The following SCARB2 variants were observed in gnomAD, a reference collection of about 807,000 sequenced individuals.
The protein encoded by SCARB2 is scavenger receptor class B member 2.
SCARB2 carries 29 observed loss-of-function variants against 58.6 expected under a neutral mutation model. That is an observed-to-expected ratio of 0.49 (90% CI 0.37 to 0.67). The LOEUF (loss-of-function observed/expected upper bound fraction) is 0.67, where lower values mean the gene tolerates loss of function less well. Among genes scored for constraint, SCARB2 ranks in the 30% least tolerant of loss-of-function variants. SCARB2 has a pLI of 0.00. For missense variants in SCARB2, 488 were observed against 578.5 expected (o/e 0.84, Z 1.60); for synonymous variants, 195 against 210.1 (o/e 0.93, Z 0.62).
intron 1 of SCARB2, among the ~76,000 whole-genome samples, chr4:76,228,965 A>G (rs1369567887): frequency 1.3e-5 from 2 of 152,168 alleles, no homozygotes; most frequent in African/African-American, 4.8e-5. Flanking sequence ...CCACAGGAAC[A>G]CCAATTATTC....
At chr4:76,207,603 T>C (rs1732954191) in intron 1 of SCARB2, among the ~76,000 whole-genome samples, 1 of 152,254 alleles carries the variant, frequency 6.6e-6, no homozygotes, top group Non-Finnish European at 1.5e-5. Context: ...TTTTTCCAGT[T>C]ACCAGCTTGG....
chr4:76,217,442 G>A (rs1733227422), upstream of SCARB2: 1 of 402,786 alleles, frequency 2.5e-6, no homozygotes, highest in South Asian at 1.2e-4. Flanking sequence ...TTCATGAATA[G>A]ATTAATGCCT....
At chr4:76,234,079 G>T (rs947740759) in intron 1 of SCARB2, among the ~76,000 whole-genome samples, 1 of 152,232 alleles carries the variant, frequency 6.6e-6, no homozygotes, top group Non-Finnish European at 1.5e-5. Context: ...GAAAACACCA[G>T]CCAGCTGCCC....
At chr4:76,218,004 A>C (rs888629994), upstream of SCARB2, among the ~76,000 whole-genome samples, 3 of 152,252 alleles carry the variant, frequency 2.0e-5, no homozygotes, top group Non-Finnish European at 4.4e-5. Context: ...TTTATGTTCA[A>C]AGTGTTAATG....
intron 10 of SCARB2, chr4:76,164,028 A>G (rs1265277585): frequency 6.5e-6 from 1 of 154,796 alleles, no homozygotes; most frequent in African/African-American, 2.4e-5. Flanking sequence ...AGCCCTCTAC[A>G]GAAAGTGCTC....
intron 1 of SCARB2, among the ~76,000 whole-genome samples, chr4:76,226,913 CTT>C (rs558934891): frequency 1.3e-5 from 2 of 152,102 alleles, no homozygotes; most frequent in African/African-American, 4.8e-5. Context: ...AATCTTCTCT[CTT>C]CTTTTCTTGG....
intron 1 of SCARB2, among the ~76,000 whole-genome samples, chr4:76,219,020 C>T (rs1733262292): frequency 6.6e-6 from 1 of 152,144 alleles, no homozygotes; most frequent in African/African-American, 2.4e-5. Flanking sequence ...TGTTACTGGC[C>T]AGTAGGAAGC....
At chr4:76,208,799 G>A (rs1732982115) in intron 1 of SCARB2, among the ~76,000 whole-genome samples, 1 of 152,198 alleles carries the variant, frequency 6.6e-6, no homozygotes, top group Admixed American at 6.5e-5. Flanking sequence ...CCTTAAGAGA[G>A]CCAAGAAGCG....
Position 76,175,870 on chromosome 4 carries a change from T to G in SCARB2, c.745A>C (p.Asn249His). 1 of 1,613,986 alleles carries G rather than the reference T, an allele frequency of 6.2e-7. No homozygotes were observed. Among genetic ancestry groups the G allele is most frequent in the Non-Finnish European group, 8.5e-7 (1 of 1,179,950 alleles). ...TGAAAAGAATCTCCATCTGTTCCAT[T>G]AATCATATTGCACTTGTCTGTTATC... is the stretch of plus-strand genomic sequence containing the variant. ...WWITDKCNMINGTDGDSFHPL... is the reference protein window; with the variant it reads ...WWITDKCNMIHGTDGDSFHPL... Residue 249 changes from asparagine (N) to histidine (H), a missense_variant, in exon 6 of 12, where the codon AAT becomes CAT. Transcript: ENST00000264896.
At chr4:76,204,177 A>G (rs1732884291) in intron 1 of SCARB2, among the ~76,000 whole-genome samples, 1 of 152,208 alleles carries the variant, frequency 6.6e-6, no homozygotes, top group African/African-American at 2.4e-5. Context: ...GTTTTTTAAA[A>G]TTGCTCCCTG....
At chr4:76,169,550 T>C (rs1020571084) in intron 8 of SCARB2, among the ~76,000 whole-genome samples, 10 of 152,180 alleles carry the variant, frequency 6.6e-5, no homozygotes, top group African/African-American at 1.9e-4. Context: ...TAAATATATG[T>C]TGAGGTCCAA....
At chr4:76,183,661 A>C (rs552184293) in intron 2 of SCARB2, among the ~76,000 whole-genome samples, 4 of 152,186 alleles carry the variant, frequency 2.6e-5, no homozygotes, top group Non-Finnish European at 5.9e-5. Context: ...TTACATAGGC[A>C]TGATTGATTA....
At position 76,219,892 on chromosome 4, in the gene SCARB2, C is replaced by T. The variant is rs568495592; in HGVS notation, c.-358+14411G>A. Among the ~76,000 whole-genome samples the T allele has an allele frequency of 9.1e-4, 138 of 152,320 alleles. 2 individuals carry two copies. Among genetic ancestry groups the T allele is most frequent in the South Asian group, 3.3e-3 (16 of 4,822 alleles). On this transcript the variant is annotated intron_variant, in intron 1 of 11. Transcript: ENST00000638295. The stretch of plus-strand genomic sequence containing the variant: ...TAGAAGCCTCCTATACTCATCAAAC[C>T]TCAGAGAAGACTGCTATTCAGTTAA...
intron 4 of SCARB2, chr4:76,176,756 G>C (rs968127462): frequency 2.3e-6 from 1 of 437,484 alleles, no homozygotes; most frequent in Non-Finnish European, 4.0e-6. Flanking sequence ...AGCAAAAACA[G>C]AGGTTTCTTA....
chr4:76,175,725 T>C, intron 6 of SCARB2, 66 bp downstream of exon 6: 1 of 1,583,514 alleles, frequency 6.3e-7, no homozygotes, highest in Non-Finnish European at 8.7e-7. Context: ...ATATTCCTCA[T>C]GCTTTTGGTG....
intron 1 of SCARB2, among the ~76,000 whole-genome samples, chr4:76,209,429 A>G (rs946832673): frequency 1.8e-4 from 27 of 151,880 alleles, no homozygotes; most frequent in African/African-American, 5.1e-4. Context: ...AGTTCAAGGG[A>G]GCCATCTTGG....
chr4:76,189,747 T>C (rs767932227), intron 2 of SCARB2, among the ~76,000 whole-genome samples: 2 of 152,168 alleles, frequency 1.3e-5, no homozygotes, highest in South Asian at 2.1e-4. Flanking sequence ...ACTGGGAATA[T>C]AGGCATCAGC....
At chr4:76,219,232 A>T (rs1017238517) in intron 1 of SCARB2, among the ~76,000 whole-genome samples, 2 of 152,224 alleles carry the variant, frequency 1.3e-5, no homozygotes, top group South Asian at 4.1e-4. Context: ...GGTTGGAATT[A>T]GTGTGTGTGG....
intron 2 of SCARB2, among the ~76,000 whole-genome samples, chr4:76,182,957 A>C (rs1242902704): frequency 1.3e-5 from 2 of 152,242 alleles, no homozygotes; most frequent in African/African-American, 4.8e-5. Flanking sequence ...ACAATCGCGA[A>C]GTCAAAACAT....
Sources: allele counts gnomAD v4.1 joint callset (sites outside exome capture counted in the v4.1 genomes callset), GRCh38; gene constraint gnomAD v4.1.1; transcripts MANE v1.5; gene names NCBI Gene and HGNC (gene_info 2026-07-23, HGNC 2026-07-21).